Variants in XPR1 observed in about 807,000 individuals in gnomAD.
XPR1 encodes solute carrier family 53 member 1.
In XPR1, 28 loss-of-function variants were observed where a neutral mutation model predicts 87.5. The ratio of observed to expected loss-of-function variants is 0.32; its 90% CI spans 0.24 to 0.44. The LOEUF (loss-of-function observed/expected upper bound fraction) is 0.44, where lower values mean the gene tolerates loss of function less well. XPR1 is among the 20% of genes least tolerant of loss of function. The pLI is 1.00. For synonymous variants in XPR1, 300 were observed against 306.1 expected (o/e 0.98, Z 0.21); for missense variants, 559 against 862.3 (o/e 0.65, Z 4.41).
At chr1:180,847,775 G>A (rs1400038) in intron 11 of XPR1, among the ~76,000 whole-genome samples, 151,597 of 152,292 alleles carry the variant, frequency 1, 75,463 homozygotes, top group Middle Eastern at 1. Context: ...AAATTAACAA[G>A]ATAAATGCAA....
intron 2 of XPR1, among the ~76,000 whole-genome samples, chr1:180,696,502 A>G (rs1352148162): frequency 1.3e-5 from 2 of 151,882 alleles, no homozygotes; most frequent in African/African-American, 2.4e-5. Flanking sequence ...TTTCAGTACT[A>G]TGTTGAATAA....
At chr1:180,736,062 A>G (rs898278342) in intron 2 of XPR1, among the ~76,000 whole-genome samples, 54 of 152,334 alleles carry the variant, frequency 3.5e-4, no homozygotes, top group African/African-American at 1.3e-3. Context: ...CATAATTAGA[A>G]GTATGTAAGC....
At chr1:180,730,033 T>C (rs565422628) in intron 2 of XPR1, among the ~76,000 whole-genome samples, 33 of 152,346 alleles carry the variant, frequency 2.2e-4, no homozygotes, top group African/African-American at 7.2e-4. Context: ...GTTTTACATA[T>C]AAGTCTGCAA....
intron 1 of XPR1, among the ~76,000 whole-genome samples, chr1:180,633,908 T>G (rs1194035218): frequency 6.6e-6 from 1 of 152,252 alleles, no homozygotes; most frequent in East Asian, 1.9e-4. Flanking sequence ...ATATTTGTTA[T>G]GTAGCATGGA....
chr1:180,719,537 T>C (rs1297849303), intron 2 of XPR1, among the ~76,000 whole-genome samples: 1 of 152,246 alleles, frequency 6.6e-6, no homozygotes, highest in African/African-American at 2.4e-5. Context: ...CTTGCAGCAA[T>C]TTAAAGATGC....
intron 2 of XPR1, among the ~76,000 whole-genome samples, chr1:180,719,021 G>C (rs924328355): frequency 2.0e-5 from 3 of 152,158 alleles, no homozygotes; most frequent in African/African-American, 7.2e-5. Flanking sequence ...CAAAGTTTGT[G>C]AATTAGATTA....
At chr1:180,879,969 CTTTG>C in intron 13 of XPR1, 103 bp from the exon 14 acceptor site, 3 of 1,196,848 alleles carry the variant, frequency 2.5e-6, no homozygotes, top group Non-Finnish European at 3.6e-6. Flanking sequence ...GCCCTTAATT[CTTTG>C]TTTTTGTTTC....
At chr1:180,830,430 A>G (rs916217986) in intron 9 of XPR1, among the ~76,000 whole-genome samples, 2 of 152,206 alleles carry the variant, frequency 1.3e-5, no homozygotes, top group Non-Finnish European at 2.9e-5. Flanking sequence ...GCTCCAAGAA[A>G]GTACCCGTCA....
intron 11 of XPR1, among the ~76,000 whole-genome samples, chr1:180,838,315 G>C (rs1215680756): frequency 6.8e-6 from 1 of 147,192 alleles, no homozygotes; most frequent in East Asian, 1.9e-4. Context: ...CTGAGGAGGA[G>C]GAGGAAGAGG....
At chr1:180,787,908 A>G in intron 3 of XPR1, 54 bp downstream of exon 3, 1 of 1,313,904 alleles carries the variant, frequency 7.6e-7, no homozygotes, top group South Asian at 1.2e-5. Flanking sequence ...AAATTGTACC[A>G]TATCATTGTT....
At chr1:180,673,589 C>G (rs186990326) in intron 1 of XPR1, among the ~76,000 whole-genome samples, 1 of 152,200 alleles carries the variant, frequency 6.6e-6, no homozygotes, top group African/African-American at 2.4e-5. Flanking sequence ...TGTGTATTAC[C>G]GCCTGAGCTC....
At chr1:180,741,321 G>A (rs923385272) in intron 2 of XPR1, among the ~76,000 whole-genome samples, 5 of 151,778 alleles carry the variant, frequency 3.3e-5, no homozygotes, top group Admixed American at 2.6e-4. Context: ...CTGCCACCAC[G>A]CCGAGCTAAT....
At chr1:180,669,295 A>G (rs116124007) in intron 1 of XPR1, among the ~76,000 whole-genome samples, 38 of 151,992 alleles carry the variant, frequency 2.5e-4, no homozygotes, top group African/African-American at 9.2e-4. Flanking sequence ...ATAAGTATGT[A>G]TTTTTTTCTC....
chr1:180,703,709 A>C (rs563314382), intron 2 of XPR1, among the ~76,000 whole-genome samples: 21 of 152,310 alleles, frequency 1.4e-4, no homozygotes, highest in Middle Eastern at 3.4e-3. Context: ...AAGATTCATC[A>C]TACAATATAT....
chr1:180,737,091 C>G (rs1658753093), intron 2 of XPR1, among the ~76,000 whole-genome samples: 1 of 152,122 alleles, frequency 6.6e-6, no homozygotes, highest in Non-Finnish European at 1.5e-5. Context: ...TTTAGATAAG[C>G]ATCTTTTTGA....
At chr1:180,643,180 G>C (rs984121825) in intron 1 of XPR1, among the ~76,000 whole-genome samples, 2 of 152,138 alleles carry the variant, frequency 1.3e-5, no homozygotes, top group African/African-American at 4.8e-5. Flanking sequence ...CTAGATCTTG[G>C]AGGATACTTT....
chr1:180,644,754 G>T (rs997500062), intron 1 of XPR1, among the ~76,000 whole-genome samples: 1 of 152,034 alleles, frequency 6.6e-6, no homozygotes, highest in Non-Finnish European at 1.5e-5. Flanking sequence ...GGGGGAGGGG[G>T]AGTGGTTTTG....
intron 1 of XPR1, among the ~76,000 whole-genome samples, chr1:180,672,423 AT>A (rs879751632): frequency 6.6e-5 from 10 of 152,140 alleles, no homozygotes; most frequent in Admixed American, 6.5e-4. Context: ...GGCTTTGCTG[AT>A]TTTATTTCTA....
intron 3 of XPR1, among the ~76,000 whole-genome samples, chr1:180,795,888 A>T (rs1649554479): frequency 6.6e-6 from 1 of 152,014 alleles, no homozygotes; most frequent in African/African-American, 2.4e-5. Context: ...GCTCACTGCA[A>T]CCTCTGCCTC....
Sources: allele counts gnomAD v4.1 joint callset (sites outside exome capture counted in the v4.1 genomes callset), GRCh38; gene constraint gnomAD v4.1.1; transcripts MANE v1.5; gene names NCBI Gene and HGNC (gene_info 2026-07-23, HGNC 2026-07-21).